Variants in SRGAP3 observed in about 807,000 individuals in gnomAD.
The protein encoded by SRGAP3 is SLIT-ROBO Rho GTPase activating protein 3, also known as SLIT-ROBO Rho GTPase-activating protein 3.
SRGAP3 carries 39 observed loss-of-function variants against 121.1 expected under a neutral mutation model. The ratio of observed to expected loss-of-function variants is 0.32; its 90% confidence interval spans 0.25 to 0.42. The LOEUF is 0.42. SRGAP3 is among the 10% of genes least tolerant of loss of function. The probability of loss-of-function intolerance (pLI) is 1.00; values close to 1 mark genes in which losing one functional copy is unlikely to be tolerated. For synonymous variants in SRGAP3, 601 were observed against 570.0 expected, an observed-to-expected ratio of 1.05 and a Z score of -0.77; for missense variants, 1,213 against 1,470.6, an observed-to-expected ratio of 0.82 and a Z score of 2.86.
intron 19 of SRGAP3, among the ~76,000 whole-genome samples, chr3:8,993,738 C>T (rs778261089): frequency 1.3e-5 from 2 of 152,152 alleles, no homozygotes; most frequent in Non-Finnish European, 2.9e-5. Context: ...CCTTGAGGCT[C>T]AGCTTGGTGG....
intron 1 of SRGAP3, among the ~76,000 whole-genome samples, chr3:9,148,183 A>T (rs975037825): frequency 6.6e-5 from 10 of 152,162 alleles, no homozygotes; most frequent in African/African-American, 2.4e-4. Flanking sequence ...GAGGAGGAGG[A>T]TAAAGGGATG....
chr3:9,271,742 G>T (rs1405054081), intron 3 of SRGAP3, among the ~76,000 whole-genome samples: 1 of 152,188 alleles, frequency 6.6e-6, no homozygotes, highest in African/African-American at 2.4e-5. Flanking sequence ...GCCAAAGCAT[G>T]ATGCACTAAG....
rs573836700 is a variant in SRGAP3 at position 9,249,222 on chromosome 3, C to T, written c.-271G>A. ...TCACCCTAGGAGCACAGTAACCTGC[C>T]CCAGATTTTCAAAGATTTTTCTTCC... On this transcript the variant is annotated 5_prime_UTR_variant, in exon 1 of 22. Transcript: ENST00000383836. 4.5e-5 allele frequency: 24 copies of T among 538,462 alleles called. No homozygotes were observed. The South Asian group carries it at 5.0e-4, about 11-fold the overall frequency. The allele number at this position is 538,462 out of a possible 1,614,324, so 33.4% of individuals were successfully genotyped here.
chr3:9,177,602 C>T (rs1951225824), intron 1 of SRGAP3, among the ~76,000 whole-genome samples: 1 of 152,170 alleles, frequency 6.6e-6, no homozygotes, highest in South Asian at 2.1e-4. Context: ...GCTCCACTGT[C>T]AGGGGCCCAA....
chr3:9,300,879 A>G (rs571641661), intron 3 of SRGAP3, among the ~76,000 whole-genome samples: 1 of 152,252 alleles, frequency 6.6e-6, no homozygotes, highest in East Asian at 1.9e-4. Flanking sequence ...TGTCTGGGCT[A>G]TGCTGAGGTT....
intron 6 of SRGAP3, chr3:9,059,687 G>GCC: frequency 5.0e-6 from 1 of 201,106 alleles, no homozygotes; most frequent in South Asian, 9.4e-5. Flanking sequence ...GCGGGTACTC[G>GCC]GGAGTCAGTG....
chr3:9,194,923 T>C (rs1574848412), intron 1 of SRGAP3, among the ~76,000 whole-genome samples: 1 of 152,186 alleles, frequency 6.6e-6, no homozygotes, highest in African/African-American at 2.4e-5. Context: ...CTCTGGAGAA[T>C]TGCCACCCCC....
chr3:8,986,550 A>G (rs1293976036), intron 21 of SRGAP3, among the ~76,000 whole-genome samples: 1 of 152,184 alleles, frequency 6.6e-6, no homozygotes, highest in East Asian at 1.9e-4. Context: ...TGGTTAAGTA[A>G]CTTGCCCAAG....
chr3:9,248,357 A>T (rs1953900267), intron 1 of SRGAP3, among the ~76,000 whole-genome samples: 2 of 152,226 alleles, frequency 1.3e-5, no homozygotes, highest in South Asian at 4.1e-4. Context: ...GCCCAGAGAC[A>T]CCGACAAAGA....
intron 1 of SRGAP3, among the ~76,000 whole-genome samples, chr3:9,243,628 C>CT (rs931367148): frequency 7.4e-6 from 1 of 135,478 alleles, no homozygotes; most frequent in African/African-American, 2.7e-5. Flanking sequence ...GAGAGAGACT[C>CT]TGTCTTAAAA....
At chr3:9,098,821 A>G (rs1411091102) in intron 3 of SRGAP3, among the ~76,000 whole-genome samples, 1 of 152,212 alleles carries the variant, frequency 6.6e-6, no homozygotes, top group Non-Finnish European at 1.5e-5. Context: ...TAGTGCTAAT[A>G]TATGTTTATT....
chr3:9,103,966 G>A (rs2124910489), intron 3 of SRGAP3, among the ~76,000 whole-genome samples: 1 of 152,290 alleles, frequency 6.6e-6, no homozygotes, highest in South Asian at 2.1e-4. Context: ...TCCCACTGCA[G>A]AAACTGATCC....
intron 18 of SRGAP3, among the ~76,000 whole-genome samples, chr3:8,998,684 T>A (rs948387301): frequency 7.9e-5 from 12 of 152,210 alleles, no homozygotes; most frequent in Admixed American, 2.0e-4. Context: ...AGATTTTCTT[T>A]TCTTTCCTAC....
At chr3:9,081,707 T>G (rs1044491892) in intron 3 of SRGAP3, among the ~76,000 whole-genome samples, 2 of 152,250 alleles carry the variant, frequency 1.3e-5, no homozygotes, top group African/African-American at 4.8e-5. Flanking sequence ...TGAAGTGGCT[T>G]TCATGATATT....
intron 2 of SRGAP3, among the ~76,000 whole-genome samples, chr3:9,119,787 A>C (rs1055164342): frequency 2.0e-5 from 3 of 152,202 alleles, no homozygotes; most frequent in Non-Finnish European, 2.9e-5. Flanking sequence ...CTGACACTAC[A>C]TGGAGAGGGA....
At chr3:9,154,508 A>G (rs182569852) in intron 1 of SRGAP3, among the ~76,000 whole-genome samples, 1 of 151,282 alleles carries the variant, frequency 6.6e-6, no homozygotes. Flanking sequence ...TCTACGTCTC[A>G]AGGCCCCACC....
chr3:9,161,456 A>G (rs1360429931), intron 1 of SRGAP3, among the ~76,000 whole-genome samples: 1 of 152,208 alleles, frequency 6.6e-6, no homozygotes, highest in Non-Finnish European at 1.5e-5. Context: ...GGATCTTCAC[A>G]TTGCCTCTAA....
chr3:9,010,245 G>C, intron 18 of SRGAP3, 63 bp downstream of exon 18: 1 of 1,594,244 alleles, frequency 6.3e-7, no homozygotes, highest in South Asian at 1.1e-5. Flanking sequence ...TGGTTGGGCT[G>C]ACAAAAGTCA....
At chr3:9,032,547 G>T in intron 12 of SRGAP3, 103 bp downstream of exon 12, 1 of 1,056,176 alleles carries the variant, frequency 9.5e-7, no homozygotes, top group Non-Finnish European at 1.5e-6. Context: ...AGCTCCACAG[G>T]GCCTGGCCAA....
Sources: allele counts gnomAD v4.1 joint callset (sites outside exome capture counted in the v4.1 genomes callset), GRCh38; gene constraint gnomAD v4.1.1; transcripts MANE v1.5; gene names NCBI Gene and HGNC (gene_info 2026-07-23, HGNC 2026-07-21).